The following NBN variants were observed in gnomAD, a reference collection of about 807,000 sequenced individuals.
NBN encodes nibrin.
In NBN, 88 loss-of-function variants were observed where a neutral mutation model predicts 90.8. The ratio of observed to expected loss-of-function variants is 0.97; its 90% CI spans 0.82 to 1.16. The LOEUF is 1.16. Among genes scored for constraint, NBN ranks in the 50% most tolerant of loss-of-function variants. The pLI is 0.00. For missense variants in NBN, 894 were observed against 869.6 expected (o/e 1.03, Z -0.35); for synonymous variants, 328 against 295.1 (o/e 1.11, Z -1.14).
intron 15 of NBN, among the ~76,000 whole-genome samples, chr8:89,936,617 C>T (rs1003323594): frequency 1.3e-5 from 2 of 152,120 alleles, no homozygotes; most frequent in Non-Finnish European, 2.9e-5. Flanking sequence ...CCCACAAAAA[C>T]CTGCTTTGAA....
At chr8:89,964,549 C>A in intron 7 of NBN, 42 bp from the exon 8 acceptor site, 1 of 1,529,742 alleles carries the variant, frequency 6.5e-7, no homozygotes, top group East Asian at 2.3e-5. Context: ...TATATTAAAA[C>A]TAGCAACTTT....
intron 1 of NBN, among the ~76,000 whole-genome samples, chr8:89,983,300 C>T (rs1275785711): frequency 5.9e-5 from 9 of 151,990 alleles, no homozygotes; most frequent in Admixed American, 5.9e-4. Flanking sequence ...AAAAAAGATG[C>T]TCAAGCCTGT....
At position 89,934,404 on chromosome 8, in the gene NBN, A is replaced by T. The variant is rs1006648227; in HGVS notation, c.*1178T>A. The stretch of plus-strand genomic sequence containing the variant: ...TCCCTAGGAAGGCTGAGAAGCTTTT[A>T]AAAAAAGACCTTCATTTCCCTAACT... On this transcript the variant is annotated 3_prime_UTR_variant, in exon 16 of 16. Transcript: ENST00000265433. 2 of 232,788 alleles carry T rather than the reference A, an allele frequency of 8.6e-6. No homozygotes were observed. The highest frequency in any genetic ancestry group is 4.4e-5 in the African/African-American group (2 of 45,326). The allele number at this position is 232,788 out of a possible 1,614,324, so 14.4% of individuals were successfully genotyped here.
rs1563561558 is a variant in NBN, at chr8:89,971,198, GT to G, written c.676del (p.Thr226HisfsTer5). On this transcript the variant is annotated frameshift_variant, in exon 6 of 16. Coordinates refer to ENST00000265433, the MANE Select transcript of NBN (RefSeq NM_002485.5). LOFTEE classifies it high-confidence loss of function. Reference sequence around the variant, plus strand: ...CTGTTTGGCATTCAAAAATATAAATGTTTTCCCTTTGAAGATTTGTTTTCTT... The same window carrying G: ...CTGTTTGGCATTCAAAAATATAAATGTTTCCCTTTGAAGATTTGTTTTCTT... ...QERKQIFKGK[T>X]FIFLNAKQHK... 1.2e-6 allele frequency: 2 copies of G among 1,612,738 alleles called. No individual in the cohort carries two copies. Among genetic ancestry groups the G allele is most frequent in the Non-Finnish European group, 1.7e-6 (2 of 1,179,322 alleles).
chr8:89,977,804 G>A (rs922293211), intron 5 of NBN, among the ~76,000 whole-genome samples: 1 of 152,130 alleles, frequency 6.6e-6, no homozygotes, highest in Non-Finnish European at 1.5e-5. Flanking sequence ...CTGGAGCTCA[G>A]AAAAACTAAG....
In NBN at chr8:89,949,829, A is replaced by G. The variant is rs565731251; in HGVS notation, c.1846-1937T>C. Among the ~76,000 whole-genome samples, 52 of 152,256 alleles carry G rather than the reference A, an allele frequency of 3.4e-4. 1 individual carries two copies. In the South Asian group the frequency reaches 9.5e-3, roughly 28 times the overall value. ...TGTTTAAATGAAAGGATTAAGAAGT[A>G]TTTTTCTCTGACAGTCACTTCTGTA... On this transcript the variant is annotated intron_variant, in intron 11 of 15. Coordinates refer to ENST00000265433, the MANE Select transcript of NBN (RefSeq NM_002485.5).
chr8:89,955,604 C>T, intron 9 of NBN, 49 bp from the exon 10 acceptor site: 5 of 1,573,728 alleles, frequency 3.2e-6, no homozygotes, highest in East Asian at 2.2e-5. Flanking sequence ...TTTACAGCAA[C>T]TTTAATAGAG....
At chr8:89,972,677 C>T (rs1020950363) in intron 5 of NBN, among the ~76,000 whole-genome samples, 4 of 152,176 alleles carry the variant, frequency 2.6e-5, no homozygotes, top group Non-Finnish European at 5.9e-5. Context: ...ATACTTCTTT[C>T]TTAGTGTAAA....
chr8:89,933,759 A>G lies in NBN; in HGVS notation c.*1823T>C, dbSNP rs556606685. 347 of 232,600 alleles carry G rather than the reference A, an allele frequency of 1.5e-3. 1 individual carries two copies. The highest frequency in any genetic ancestry group is 2.4e-3 in the Non-Finnish European group (288 of 117,668). The allele number at this position is 232,600 out of a possible 1,614,324, so 14.4% of individuals were successfully genotyped here. On this transcript the variant is annotated 3_prime_UTR_variant, in exon 16 of 16. Coordinates refer to ENST00000265433, the MANE Select transcript of NBN (RefSeq NM_002485.5). Reference sequence around the variant, plus strand: ...AATAAATTTGACCTTGTCAAAATTTAAAACTTCTATTCATCAAAAGACATA... The same window carrying G: ...AATAAATTTGACCTTGTCAAAATTTGAAACTTCTATTCATCAAAAGACATA...
intron 14 of NBN, among the ~76,000 whole-genome samples, chr8:89,942,077 T>C (rs1809975449): frequency 6.6e-6 from 1 of 152,058 alleles, no homozygotes. Context: ...GGGGTATGAG[T>C]GATACGAAAG....
chr8:89,959,330 C>T (rs1810883693), intron 8 of NBN, among the ~76,000 whole-genome samples: 2 of 152,134 alleles, frequency 1.3e-5, no homozygotes, highest in African/African-American at 2.4e-5. Context: ...TAATGATTAC[C>T]TCATCTTTTT....
At chr8:89,944,561 C>A (rs1310652532) in intron 13 of NBN, among the ~76,000 whole-genome samples, 1 of 152,074 alleles carries the variant, frequency 6.6e-6, no homozygotes, top group Admixed American at 6.6e-5. Flanking sequence ...ATACTGTTGT[C>A]GGTAAATTCT....
At chr8:89,983,431 CAA>C (rs35054147) in intron 1 of NBN, among the ~76,000 whole-genome samples, 3,311 of 121,286 alleles carry the variant, frequency 0.027, 117 homozygotes, top group African/African-American at 0.094. Flanking sequence ...GACTCCGTCT[CAA>C]AAAAAAAAAA....
At chr8:89,955,682 C>T in intron 9 of NBN, 127 bp from the exon 10 acceptor site, 1 of 1,097,592 alleles carries the variant, frequency 9.1e-7, no homozygotes, top group Non-Finnish European at 1.3e-6. Flanking sequence ...CAAAAATACA[C>T]TGAATATATT....
intron 10 of NBN, among the ~76,000 whole-genome samples, chr8:89,954,277 CTG>C (rs1810594335): frequency 6.6e-6 from 1 of 152,188 alleles, no homozygotes; most frequent in Admixed American, 6.5e-5. Flanking sequence ...ACCTGGGACT[CTG>C]TTCTCCAGGA....
intron 1 of NBN, 118 bp downstream of exon 1, chr8:89,984,407 A>G (rs922417491): frequency 2.7e-5 from 26 of 965,766 alleles, no homozygotes; most frequent in Non-Finnish European, 3.6e-5. Flanking sequence ...CGCTTCTGCG[A>G]CCGCTTCCGC....
chr8:89,965,356 C>T (rs187181750), intron 7 of NBN, among the ~76,000 whole-genome samples: 16 of 152,174 alleles, frequency 1.1e-4, no homozygotes, highest in African/African-American at 3.1e-4. Flanking sequence ...TTATGGTGAA[C>T]CTATTTTTTG....
At chr8:89,943,944 C>T (rs745478277) in intron 13 of NBN, among the ~76,000 whole-genome samples, 9 of 152,098 alleles carry the variant, frequency 5.9e-5, no homozygotes, top group African/African-American at 2.2e-4. Flanking sequence ...TAGTTAATAA[C>T]ATTGTTAATA....
intron 8 of NBN, among the ~76,000 whole-genome samples, chr8:89,959,517 C>T (rs1276571155): frequency 6.6e-6 from 1 of 152,174 alleles, no homozygotes; most frequent in African/African-American, 2.4e-5. Flanking sequence ...CTTTGGAAGG[C>T]TGAGGCAGGA....
Sources: gnomAD v4.1 joint callset for allele counts (sites outside exome capture counted in the v4.1 genomes callset) on GRCh38, gnomAD v4.1.1 for gene constraint, MANE v1.5 for transcripts, NCBI Gene and HGNC (gene_info 2026-07-23, HGNC 2026-07-21) for gene names.